Variants in MGAT4A observed in about 807,000 individuals in gnomAD.
MGAT4A encodes alpha-1,3-mannosyl-glycoprotein 4-beta-N-acetylglucosaminyltransferase A.
In MGAT4A, 33 loss-of-function variants were observed where a neutral mutation model predicts 74.1. The observed-to-expected ratio is 0.45, with a 90% CI of 0.34 to 0.60. The LOEUF (loss-of-function observed/expected upper bound fraction) is 0.60, where lower values mean the gene tolerates loss of function less well. Among genes scored for constraint, MGAT4A ranks in the 20% least tolerant of loss-of-function variants. The pLI, the probability that MGAT4A is intolerant of heterozygous loss-of-function variation, is 0.02. For missense variants in MGAT4A, 479 were observed against 628.3 expected, an observed-to-expected ratio of 0.76 and a Z score of 2.54; for synonymous variants, 198 against 210.4, an observed-to-expected ratio of 0.94 and a Z score of 0.51.
intron 10 of MGAT4A, among the ~76,000 whole-genome samples, chr2:98,642,612 C>G (rs1324796233): frequency 1.3e-5 from 2 of 152,130 alleles, no homozygotes; most frequent in Non-Finnish European, 2.9e-5. Flanking sequence ...TAAAATTGCA[C>G]AGGACGAATG....
At position 98,625,758 on chromosome 2, in the gene MGAT4A, T is replaced by A. The variant is rs1158281721; in HGVS notation, c.1546A>T (p.Ile516Phe). Residue 516 changes from isoleucine to phenylalanine, a missense_variant, in exon 15 of 16, where the codon ATT (isoleucine) becomes TTT (phenylalanine). Transcript: ENST00000393487. ...NPISAFRLSV[I>F]QNSAVWAILN... ...ATGGCCCAAACAGCAGAATTCTGAA[T>A]AACTGAAAGTCGAAAGGCTGAAATG... 9 of 1,611,842 alleles carry A rather than the reference T, an allele frequency of 5.6e-6. No individual in the cohort carries two copies. In the Admixed American group the frequency reaches 6.7e-5, roughly 12 times the overall value.
chr2:98,623,394 C>A lies in MGAT4A; in HGVS notation c.*2172G>T. ...TCTTTCTTCATGAAACCAGAGTTGG[C>A]AACTGAGGAACCAGGGACCCAAGAG... On this transcript the variant is annotated 3_prime_UTR_variant, in exon 16 of 16. Transcript: ENST00000393487. The A allele has an allele frequency of 1.0e-6, 1 of 985,422 alleles. No individual in the cohort carries two copies. The highest frequency in any genetic ancestry group is 1.2e-6 in the Non-Finnish European group (1 of 829,922). The allele number at this position is 985,422 out of a possible 1,614,324, so 61.0% of individuals were successfully genotyped here. A position where few individuals can be genotyped will look rare whatever the true frequency, so the allele number is the denominator to read the frequency against.
chr2:98,680,101 C>A (rs144471861), intron 2 of MGAT4A, among the ~76,000 whole-genome samples: 6,809 of 146,122 alleles, frequency 0.047, 359 homozygotes, highest in African/African-American at 0.11. Context: ...AGTACAGTGG[C>A]GCGATCTCGG....
At chr2:98,664,725 C>A (rs556114572) in intron 4 of MGAT4A, among the ~76,000 whole-genome samples, 2 of 152,120 alleles carry the variant, frequency 1.3e-5, no homozygotes, top group Non-Finnish European at 2.9e-5. Flanking sequence ...ATTTAACTTG[C>A]GAAAAACTGT....
intron 2 of MGAT4A, among the ~76,000 whole-genome samples, chr2:98,720,413 C>A (rs1230620788): frequency 6.6e-6 from 1 of 152,212 alleles, no homozygotes; most frequent in Non-Finnish European, 1.5e-5. Context: ...CCTCAGACAT[C>A]AGCCCAGCTG....
rs188838201 is a variant in MGAT4A at position 98,646,097 on chromosome 2, C to A, written c.775-555G>T. On this transcript the variant is annotated intron_variant, in intron 8 of 15. Coordinates refer to ENST00000393487, the MANE Select transcript of MGAT4A (RefSeq NM_012214.3). ...CTTTCAATATAAAAGAAAATAAATACACGTAAAAATTTGAAAAGCTAAGTA... is the reference window on the plus strand; with the variant it reads ...CTTTCAATATAAAAGAAAATAAATAAACGTAAAAATTTGAAAAGCTAAGTA... 7.6e-3 allele frequency among the ~76,000 whole-genome samples: 1,148 copies of A among 151,966 alleles called. 47 individuals are homozygous for A. Among genetic ancestry groups the A allele is most frequent in the Admixed American group, 0.068 (1,037 of 15,264 alleles).
At chr2:98,688,434 C>T (rs545362532) in intron 2 of MGAT4A, among the ~76,000 whole-genome samples, 1 of 152,202 alleles carries the variant, frequency 6.6e-6, no homozygotes. Context: ...TGACTTGCTT[C>T]TAATGAACAG....
chr2:98,630,767 C>T lies in MGAT4A; in HGVS notation c.1468+4455G>A, dbSNP rs144021618. Among the ~76,000 whole-genome samples, 727 of 152,194 alleles carry T rather than the reference C, an allele frequency of 4.8e-3. 4 individuals carry two copies. The highest frequency in any genetic ancestry group is 0.024 in the Middle Eastern group (7 of 294). On this transcript the variant is annotated intron_variant, in intron 14 of 15. Transcript: ENST00000393487. The stretch of plus-strand genomic sequence containing the variant: ...ACTCCCGAAGGGACACAAATCATTA[C>T]GGGAACTGCCTCTCAGAAGCAGTGG...
chr2:98,668,663 T>A (rs767826925), intron 4 of MGAT4A, among the ~76,000 whole-genome samples: 2 of 152,064 alleles, frequency 1.3e-5, no homozygotes, highest in African/African-American at 2.4e-5. Flanking sequence ...GAATGATAGA[T>A]CCACTCATGG....
intron 3 of MGAT4A, among the ~76,000 whole-genome samples, chr2:98,675,489 A>T (rs1418502711): frequency 2.0e-5 from 3 of 152,108 alleles, no homozygotes; most frequent in Non-Finnish European, 4.4e-5. Flanking sequence ...CTCTAAATAT[A>T]CTGTTGGCTT....
intron 2 of MGAT4A, among the ~76,000 whole-genome samples, chr2:98,712,602 A>C (rs1441604993): frequency 2.0e-5 from 3 of 152,180 alleles, no homozygotes; most frequent in Non-Finnish European, 4.4e-5. Flanking sequence ...CTTATACTTA[A>C]AACATTACTT....
At chr2:98,669,164 C>A (rs554171158) in intron 4 of MGAT4A, among the ~76,000 whole-genome samples, 1 of 152,020 alleles carries the variant, frequency 6.6e-6, no homozygotes, top group Non-Finnish European at 1.5e-5. Context: ...GGGCCAGGGG[C>A]GGAATGATAT....
chr2:98,631,490 C>T (rs1031452668), intron 14 of MGAT4A, among the ~76,000 whole-genome samples: 7 of 152,230 alleles, frequency 4.6e-5, no homozygotes, highest in African/African-American at 1.7e-4. Context: ...CATACTGTGC[C>T]TATAAAAGCC....
intron 2 of MGAT4A, among the ~76,000 whole-genome samples, chr2:98,717,486 C>T (rs1355203019): frequency 4.0e-5 from 6 of 151,742 alleles, no homozygotes; most frequent in Non-Finnish European, 7.4e-5. Context: ...CACAGAAGGA[C>T]ATTAGTGGGA....
At chr2:98,702,229 A>AG (rs1702363585) in intron 2 of MGAT4A, among the ~76,000 whole-genome samples, 1 of 152,202 alleles carries the variant, frequency 6.6e-6, no homozygotes, top group Non-Finnish European at 1.5e-5. Context: ...GGCGTGGGGC[A>AG]GGCCTTGAAA....
intron 14 of MGAT4A, among the ~76,000 whole-genome samples, chr2:98,627,029 A>C (rs557535376): frequency 1.3e-5 from 2 of 152,316 alleles, no homozygotes; most frequent in Non-Finnish European, 2.9e-5. Context: ...CTGCAGATGA[A>C]TCATTTCCAA....
intron 2 of MGAT4A, among the ~76,000 whole-genome samples, chr2:98,715,332 A>G (rs952076799): frequency 1.6e-4 from 25 of 151,708 alleles, no homozygotes. Context: ...AAAAAAAAAA[A>G]AAAAAAAGAA....
chr2:98,691,108 G>A (rs539906372), intron 2 of MGAT4A, among the ~76,000 whole-genome samples: 53 of 152,226 alleles, frequency 3.5e-4, no homozygotes, highest in Middle Eastern at 6.8e-3. Context: ...GAGAAAGAGG[G>A]TGGGGTGGGA....
At chr2:98,721,958 G>A (rs1332606595) in intron 2 of MGAT4A, among the ~76,000 whole-genome samples, 1 of 152,166 alleles carries the variant, frequency 6.6e-6, no homozygotes, top group African/African-American at 2.4e-5. Context: ...GAGGGTGTCA[G>A]ACTGGATTTT....
Sources: gnomAD v4.1 joint callset for allele counts (sites outside exome capture counted in the v4.1 genomes callset) on GRCh38, gnomAD v4.1.1 for gene constraint, MANE v1.5 for transcripts, NCBI Gene and HGNC (gene_info 2026-07-23, HGNC 2026-07-21) for gene names.